GABRB3: variants seen among roughly 807,000 people sequenced by gnomAD.
The protein encoded by GABRB3 is gamma-aminobutyric acid type A receptor subunit beta3, also known as gamma-aminobutyric acid receptor subunit beta-3.
A neutral mutation model predicts 52.1 loss-of-function variants in GABRB3; 14 were observed. The observed-to-expected ratio is 0.27, with a 90% confidence interval of 0.18 to 0.42. The LOEUF (loss-of-function observed/expected upper bound fraction) is 0.42, where lower values mean the gene tolerates loss of function less well. Ranked by LOEUF, GABRB3 falls within the 10% of genes least tolerant of loss-of-function variation. The pLI is 1.00. For missense variants in GABRB3, 307 were observed against 609.1 expected, an observed-to-expected ratio of 0.50 and a Z score of 5.22; for synonymous variants, 260 against 232.3, an observed-to-expected ratio of 1.12 and a Z score of -1.08.
intron 3 of GABRB3, chr15:26,624,846 G>A (rs1254545983): frequency 1.0e-6 from 1 of 985,284 alleles, no homozygotes. Flanking sequence ...GCAAATGCAG[G>A]GTTTTCCTGT....
chr15:26,691,893 CA>C (rs1888601132), intron 3 of GABRB3, among the ~76,000 whole-genome samples: 1 of 152,172 alleles, frequency 6.6e-6, no homozygotes, highest in Non-Finnish European at 1.5e-5. Context: ...CCAGTTTTAG[CA>C]TCCTTAATCA....
chr15:26,691,261 T>C (rs193081220), intron 3 of GABRB3, among the ~76,000 whole-genome samples: 20 of 152,310 alleles, frequency 1.3e-4, no homozygotes, highest in East Asian at 1.2e-3. Context: ...TATGAGTTTC[T>C]ATGGTAACAT....
In GABRB3 at chr15:26,547,244, G is replaced by A. The variant is rs1889285270; in HGVS notation, c.*549C>T. 3.2e-6 allele frequency: 1 copy of A among 316,820 alleles called. No individual in the cohort carries two copies. The highest frequency in any genetic ancestry group is 2.1e-5 in the African/African-American group (1 of 46,944). The allele number at this position is 316,820 out of a possible 1,614,324, so 19.6% of individuals were successfully genotyped here. A position where few individuals can be genotyped will look rare whatever the true frequency, so the allele number is the denominator to read the frequency against. ...CAAACCCCATCACCAGAGAAGCCAA[G>A]AAGCCTTTGCTTACTAAACTGAACG... On this transcript the variant is annotated 3_prime_UTR_variant, in exon 9 of 9. Transcript: ENST00000311550.
chr15:26,629,202 G>A, intron 3 of GABRB3: 1 of 1,449,104 alleles, frequency 6.9e-7, no homozygotes. Context: ...TTGCGAAGCG[G>A]CGGCAATCAG....
chr15:26,740,509 G>C (rs1040567835), intron 3 of GABRB3, among the ~76,000 whole-genome samples: 10 of 151,968 alleles, frequency 6.6e-5, no homozygotes, highest in African/African-American at 2.2e-4. Flanking sequence ...CTGCATCTGA[G>C]GTCCACTGCA....
At chr15:26,716,523 G>T in intron 3 of GABRB3, 1 of 890,106 alleles carries the variant, frequency 1.1e-6, no homozygotes, top group Non-Finnish European at 1.3e-6. Context: ...AGCAATGTGT[G>T]CAAGTTCCCC....
At chr15:26,764,801 G>A (rs552626456) in intron 3 of GABRB3, among the ~76,000 whole-genome samples, 12 of 152,220 alleles carry the variant, frequency 7.9e-5, no homozygotes, top group Non-Finnish European at 1.2e-4. Flanking sequence ...GTGGGCAGGC[G>A]GAAGGGAAGA....
chr15:26,745,599 C>T (rs1245926754), intron 3 of GABRB3, among the ~76,000 whole-genome samples: 7 of 152,274 alleles, frequency 4.6e-5, no homozygotes, highest in African/African-American at 7.2e-5. Context: ...CACAAGGCTC[C>T]GGGTGTCACC....
chr15:26,761,208 C>T (rs1360581225), intron 3 of GABRB3, among the ~76,000 whole-genome samples: 1 of 152,116 alleles, frequency 6.6e-6, no homozygotes, highest in Non-Finnish European at 1.5e-5. Flanking sequence ...GCCTGGCCAA[C>T]ATAGTGAAAC....
At chr15:26,589,397 T>C (rs916796895) in intron 4 of GABRB3, among the ~76,000 whole-genome samples, 4 of 152,196 alleles carry the variant, frequency 2.6e-5, no homozygotes, top group Admixed American at 1.3e-4. Context: ...GGTCAGAGTC[T>C]GGGATTCATG....
intron 4 of GABRB3, among the ~76,000 whole-genome samples, chr15:26,609,944 C>T (rs2140516151): frequency 6.6e-6 from 1 of 152,276 alleles, no homozygotes; most frequent in South Asian, 2.1e-4. Context: ...CATCTTCAAA[C>T]TCGAAAAACT....
intron 3 of GABRB3, among the ~76,000 whole-genome samples, chr15:26,687,586 T>C (rs757990949): frequency 3.3e-5 from 5 of 152,162 alleles, no homozygotes; most frequent in Non-Finnish European, 5.9e-5. Context: ...CCTTCCTTCC[T>C]TCTCAATCAT....
At chr15:26,654,381 T>G (rs895108134) in intron 3 of GABRB3, among the ~76,000 whole-genome samples, 5 of 152,112 alleles carry the variant, frequency 3.3e-5, no homozygotes, top group Non-Finnish European at 5.9e-5. Context: ...CTCCTGACCT[T>G]GTGATCTGCC....
chr15:26,618,560 A>G (rs1379449510), intron 4 of GABRB3, among the ~76,000 whole-genome samples: 1 of 152,236 alleles, frequency 6.6e-6, no homozygotes, highest in Non-Finnish European at 1.5e-5. Flanking sequence ...AAACCATAAA[A>G]ACCCTAGAAG....
chr15:26,678,318 T>A (rs1888130147), intron 3 of GABRB3, among the ~76,000 whole-genome samples: 1 of 152,290 alleles, frequency 6.6e-6, no homozygotes, highest in South Asian at 2.1e-4. Context: ...TCTAAATTAA[T>A]TGACACACAT....
intron 3 of GABRB3, among the ~76,000 whole-genome samples, chr15:26,683,405 TG>T (rs1345679510): frequency 2.0e-5 from 3 of 151,004 alleles, no homozygotes; most frequent in African/African-American, 7.4e-5. Context: ...CATTGCTGGG[TG>T]GGGTGGGGAA....
At chr15:26,623,098 G>T (rs1205078952) in intron 3 of GABRB3, among the ~76,000 whole-genome samples, 1 of 152,174 alleles carries the variant, frequency 6.6e-6, no homozygotes, top group Non-Finnish European at 1.5e-5. Flanking sequence ...CGCAGAGCAG[G>T]TGACACTAAA....
At chr15:26,717,267 G>A (rs1336954995) in intron 3 of GABRB3, among the ~76,000 whole-genome samples, 8 of 138,100 alleles carry the variant, frequency 5.8e-5, no homozygotes, top group South Asian at 2.4e-4. Context: ...CCCAGCTCTG[G>A]GGATATCCAC....
At chr15:26,600,155 G>A (rs545219325) in intron 4 of GABRB3, among the ~76,000 whole-genome samples, 27 of 151,994 alleles carry the variant, frequency 1.8e-4, no homozygotes, top group Admixed American at 3.9e-4. Flanking sequence ...GAATCAGTAA[G>A]CTGGAAGACA....
Sources: gnomAD v4.1 joint callset for allele counts (sites outside exome capture counted in the v4.1 genomes callset) on GRCh38, gnomAD v4.1.1 for gene constraint, MANE v1.5 for transcripts, NCBI Gene and HGNC (gene_info 2026-07-23, HGNC 2026-07-21) for gene names.